Variants in ZNF614 observed in about 807,000 individuals in gnomAD.
ZNF614 encodes the protein zinc finger protein 614.
ZNF614 carries 11 observed loss-of-function variants against 12.8 expected under a neutral mutation model. That is an observed-to-expected ratio of 0.86 (90% confidence interval 0.54 to 1.43). ZNF614 has a LOEUF of 1.43. ZNF614 is among the 40% of genes most tolerant of loss of function. The pLI is 0.00. For synonymous variants in ZNF614, 237 were observed against 237.5 expected (o/e 1.00, Z 0.02); for missense variants, 664 against 708.8 (o/e 0.94, Z 0.72).
chr19:52,015,928 T>A lies in ZNF614; in HGVS notation c.1670A>T (p.His557Leu). ...AFSHLSNLVK[H>L]KKMHTREMGR... Reference sequence around the variant, plus strand: ...CATTTCTCTTGTGTGCATTTTCTTATGTTTGACAAGGTTTGATAAGTGGGA... The same window carrying A: ...CATTTCTCTTGTGTGCATTTTCTTAAGTTTGACAAGGTTTGATAAGTGGGA... Residue 557 changes from histidine to leucine, a missense_variant, in exon 5 of 5, where the codon CAT becomes CTT. Transcript: ENST00000270649. The A allele has an allele frequency of 6.2e-7, 1 of 1,614,238 alleles. No homozygotes were observed. Among genetic ancestry groups the A allele is most frequent in the Non-Finnish European group, 8.5e-7 (1 of 1,180,034 alleles).
chr19:52,017,432 G>A (rs530853763), intron 4 of ZNF614, 73 bp from the exon 5 acceptor site: 122 of 1,395,488 alleles, frequency 8.7e-5, no homozygotes, highest in East Asian at 1.4e-4. Context: ...GGCCGGGCAC[G>A]GTGGCTCATG....
Position 52,014,509 on chromosome 19 carries a change from C to G in ZNF614, c.*1331G>C, listed in dbSNP as rs777696313. 1.3e-5 allele frequency: 2 copies of G among 152,138 alleles called. No homozygotes were observed. The highest frequency in any genetic ancestry group is 1.3e-4 in the Admixed American group (2 of 15,282). 9.4% of individuals were successfully genotyped at this position (152,138 alleles called of 1,614,324 possible). On this transcript the variant is annotated 3_prime_UTR_variant, in exon 5 of 5. Transcript: ENST00000270649. ...TCAGGTTTGATAATTTGCTACAGGG[C>G]TCACAAAACTCAAGAAAACAGCGTA... is the stretch of plus-strand genomic sequence containing the variant.
chr19:52,018,961 T>C (rs1012390584), intron 2 of ZNF614, among the ~76,000 whole-genome samples: 1 of 152,140 alleles, frequency 6.6e-6, no homozygotes, highest in African/African-American at 2.4e-5. Flanking sequence ...CTTGAACTCC[T>C]AAGCTCAAGC....
chr19:52,022,594 T>TA (rs2086939186), intron 2 of ZNF614, among the ~76,000 whole-genome samples: 1 of 147,576 alleles, frequency 6.8e-6, no homozygotes, highest in African/African-American at 2.5e-5. Flanking sequence ...AATATATAAT[T>TA]TAAAAAAAAA....
Position 52,018,071 on chromosome 19 carries a change from T to G in ZNF614, c.175A>C (p.Lys59Gln). 6.2e-7 allele frequency: 1 copy of G among 1,614,128 alleles called. No individual in the cohort carries two copies. Among genetic ancestry groups the G allele is most frequent in the Non-Finnish European group, 8.5e-7 (1 of 1,179,982 alleles). The change falls in exon 4 of 5, where the codon AAG becomes CAG. Residue 59 changes from lysine (K) to glutamine (Q), a missense_variant. Coordinates refer to ENST00000270649, the MANE Select transcript of ZNF614 (RefSeq NM_025040.4). ...YQTSKPDVLS[K>Q]LAHGQEPWTT... is the part of the protein sequence containing the mutation. ...CATGGTTCTTGTCCATGTGCCAACT[T>G]GGAGAGTACATCTGGTTTGCTAGTT...
chr19:52,025,181 A>C (rs1251550662), intron 2 of ZNF614, among the ~76,000 whole-genome samples: 1 of 152,220 alleles, frequency 6.6e-6, no homozygotes, highest in Non-Finnish European at 1.5e-5. Flanking sequence ...AAGAATGCCA[A>C]TATTCCAAAA....
At position 52,015,854 on chromosome 19, in the gene ZNF614, G is replaced by A; in HGVS notation, c.1744C>T (p.Leu582Phe). ...ENSCNGESQL[L>F]PYK Reference sequence around the variant, plus strand: ...TCTGCATGAGTTCACTTATAAGGAAGGAGCTGTGACTCTCCATTACAGGAG... The same window carrying A: ...TCTGCATGAGTTCACTTATAAGGAAAGAGCTGTGACTCTCCATTACAGGAG... Residue 582 changes from leucine to phenylalanine, a missense_variant, in exon 5 of 5, where the codon CTT (leucine) becomes TTT (phenylalanine). Coordinates refer to ENST00000270649, the MANE Select transcript of ZNF614 (RefSeq NM_025040.4). The A allele has an allele frequency of 6.2e-7, 1 of 1,609,614 alleles. No individual in the cohort carries two copies. The highest frequency in any genetic ancestry group is 2.2e-5 in the East Asian group (1 of 44,846).
intron 4 of ZNF614, chr19:52,017,786 G>A (rs576513791): frequency 2.2e-3 from 974 of 446,412 alleles, no homozygotes; most frequent in Non-Finnish European, 3.2e-3. Context: ...CAGTATAAAA[G>A]GAAATTATGA....
intron 2 of ZNF614, among the ~76,000 whole-genome samples, chr19:52,023,121 C>A (rs2086943010): frequency 6.6e-6 from 1 of 150,434 alleles, no homozygotes; most frequent in Non-Finnish European, 1.5e-5. Context: ...AAACTCACAG[C>A]CTGGGCGACA....
At position 52,015,699 on chromosome 19, in the gene ZNF614, G is replaced by T; in HGVS notation, c.*141C>A. 1.3e-6 allele frequency: 1 copy of T among 784,420 alleles called. No individual in the cohort carries two copies. The highest frequency in any genetic ancestry group is 2.1e-6 in the Non-Finnish European group (1 of 487,752). The allele number at this position is 784,420 out of a possible 1,614,324, so 48.6% of individuals were successfully genotyped here. On this transcript the variant is annotated 3_prime_UTR_variant, in exon 5 of 5. Transcript: ENST00000270649. ...AGGGCAAATTATTTCACCTCCTGAG[G>T]ACAGACACACATCTGTCAACAGGCA...
In ZNF614 at chr19:52,015,891, ACT is replaced by A; in HGVS notation, c.1705_1706del (p.Gln570SerfsTer2). The stretch of plus-strand genomic sequence containing the variant: ...CTCCATTACAGGAGTTTTCAACTTG[ACT>A]GATTCTACCCATTTCTCTTGTGTGC... ...KMHTREMGRI[S>X]QVENSCNGES... On this transcript the variant is annotated frameshift_variant, in exon 5 of 5. Transcript: ENST00000270649. LOFTEE classifies it low-confidence loss of function (END_TRUNC). 2 of 1,614,030 alleles carry A rather than the reference ACT, an allele frequency of 1.2e-6. No individual in the cohort carries two copies. The highest frequency in any genetic ancestry group is 1.7e-6 in the Non-Finnish European group (2 of 1,179,944).
Position 52,017,258 on chromosome 19 carries a change from C to G in ZNF614, c.340G>C (p.Val114Leu). ...GGAAAATGTGTCTTGCTGAGATGTA[C>G]AATATTTCTAAGTGTATTCTGTCCA... Reference protein sequence around the residue: ...CNGQNTLRNIVHLSKTHFPIV... With the variant: ...CNGQNTLRNILHLSKTHFPIV... Residue 114 changes from valine (V) to leucine (L), a missense_variant, in exon 5 of 5, where the codon GTA (valine) becomes CTA (leucine). By Grantham distance (32) the Val-to-Leu change is conservative. Transcript: ENST00000270649. 6.2e-7 allele frequency: 1 copy of G among 1,614,050 alleles called. No individual in the cohort carries two copies. Among genetic ancestry groups the G allele is most frequent in the Non-Finnish European group, 8.5e-7 (1 of 1,180,048 alleles).
In ZNF614 at chr19:52,016,538, T is replaced by C. The variant is rs2086898833; in HGVS notation, c.1060A>G (p.Met354Val). 6.2e-7 allele frequency: 1 copy of C among 1,613,902 alleles called. No individual in the cohort carries two copies. Among genetic ancestry groups the C allele is most frequent in the Non-Finnish European group, 8.5e-7 (1 of 1,179,894 alleles). ...ICSECGKGFT[M>V]KRYLVVHQRT... ...TGATGTACAACAAGATAGCGCTTCATGGTGAAGCCTTTTCCACATTCACTG... is the reference window on the plus strand; with the variant it reads ...TGATGTACAACAAGATAGCGCTTCACGGTGAAGCCTTTTCCACATTCACTG... The change falls in exon 5 of 5, where the codon ATG becomes GTG. Residue 354 changes from methionine (M) to valine (V), a missense_variant. By Grantham distance (21) the Met-to-Val change is conservative. Coordinates refer to ENST00000270649, the MANE Select transcript of ZNF614 (RefSeq NM_025040.4).
chr19:52,018,080 C>G lies in ZNF614; in HGVS notation c.166G>C (p.Val56Leu). Residue 56 changes from valine (V) to leucine (L), a missense_variant, in exon 4 of 5, where the codon GTA (valine) becomes CTA (leucine). Transcript: ENST00000270649. ...TGTCCATGTGCCAACTTGGAGAGTA[C>G]ATCTGGTTTGCTAGTTTGATACCCT... ...SLGYQTSKPD[V>L]LSKLAHGQEP... 6.2e-7 allele frequency: 1 copy of G among 1,614,078 alleles called. No individual in the cohort carries two copies. Among genetic ancestry groups the G allele is most frequent in the East Asian group, 2.2e-5 (1 of 44,872 alleles).
intron 2 of ZNF614, among the ~76,000 whole-genome samples, chr19:52,021,193 A>G (rs565343368): frequency 6.6e-6 from 1 of 152,322 alleles, no homozygotes; most frequent in Non-Finnish European, 1.5e-5. Flanking sequence ...CATTCTGGAA[A>G]TGAATCCTCC....
intron 3 of ZNF614, 47 bp from the exon 4 acceptor site, chr19:52,018,150 G>A (rs749790246): frequency 1.3e-6 from 2 of 1,531,260 alleles, no homozygotes; most frequent in South Asian, 1.1e-5. Flanking sequence ...TTGGAGTCCA[G>A]TATGTCAAGA....
chr19:52,017,418 A>G, intron 4 of ZNF614, 59 bp from the exon 5 acceptor site: 1 of 1,498,324 alleles, frequency 6.7e-7, no homozygotes, highest in Non-Finnish European at 8.9e-7. Context: ...AAAAATGCTT[A>G]TGAGGCCGGG....
intron 2 of ZNF614, among the ~76,000 whole-genome samples, chr19:52,018,926 T>C (rs1349294301): frequency 6.6e-6 from 1 of 152,192 alleles, no homozygotes. Context: ...TGGAGTGCAG[T>C]GTCACAGTAA....
chr19:52,021,189 G>A (rs2086930995), intron 2 of ZNF614, among the ~76,000 whole-genome samples: 1 of 152,088 alleles, frequency 6.6e-6, no homozygotes, highest in Non-Finnish European at 1.5e-5. Context: ...TTCTCATTCT[G>A]GAAATGAATC....
Sources: allele counts gnomAD v4.1 joint callset (sites outside exome capture counted in the v4.1 genomes callset), GRCh38; gene constraint gnomAD v4.1.1; transcripts MANE v1.5; gene names NCBI Gene and HGNC (gene_info 2026-07-23, HGNC 2026-07-21).